Variants in BARD1 observed in about 807,000 individuals in gnomAD.
BARD1 encodes BRCA1 associated RING domain 1.
In BARD1, 73 loss-of-function variants were observed where a neutral mutation model predicts 77.0. The observed-to-expected ratio is 0.95, with a 90% CI of 0.79 to 1.15. BARD1 has a LOEUF of 1.15. Ranked by LOEUF, BARD1 falls within the 50% of genes most tolerant of loss-of-function variation. The probability of loss-of-function intolerance (pLI) is 0.00; values close to 1 mark genes in which losing one functional copy is unlikely to be tolerated. For missense variants in BARD1, 993 were observed against 938.8 expected, an observed-to-expected ratio of 1.06 and a Z score of -0.75; for synonymous variants, 384 against 338.0, an observed-to-expected ratio of 1.14 and a Z score of -1.49.
chr2:214,769,090 G>A (rs1694350370), intron 5 of BARD1, 142 bp downstream of exon 5: 1 of 717,236 alleles, frequency 1.4e-6, no homozygotes, highest in African/African-American at 1.8e-5. Context: ...AAGTAATCAT[G>A]TTCTCATACT....
chr2:214,803,880 G>T (rs1696145835), intron 1 of BARD1, among the ~76,000 whole-genome samples: 1 of 152,106 alleles, frequency 6.6e-6, no homozygotes, highest in Admixed American at 6.5e-5. Flanking sequence ...GATAACTTAG[G>T]GAAGAATTAA....
chr2:214,746,708 A>G (rs1287234353), intron 7 of BARD1, among the ~76,000 whole-genome samples: 1 of 152,154 alleles, frequency 6.6e-6, no homozygotes, highest in East Asian at 1.9e-4. Context: ...TCTAACCTAA[A>G]CGCTATAAAC....
In BARD1 at chr2:214,760,950, A is replaced by C. The variant is rs983928890; in HGVS notation, c.1568+6532T>G. Reference sequence around the variant, plus strand: ...CCACCACGCCCAGCTAATTTTTTGTATTTTTAGTAGAGACGGGGTTTCACC... The same window carrying C: ...CCACCACGCCCAGCTAATTTTTTGTCTTTTTAGTAGAGACGGGGTTTCACC... On this transcript the variant is annotated intron_variant, in intron 6 of 10. Transcript: ENST00000260947. Among the ~76,000 whole-genome samples the C allele has an allele frequency of 2.0e-5, 3 of 150,918 alleles. No homozygotes were observed. The East Asian group carries it at 5.9e-4, about 30-fold the overall frequency.
chr2:214,794,937 C>T (rs1475803235), intron 2 of BARD1, among the ~76,000 whole-genome samples: 1 of 152,172 alleles, frequency 6.6e-6, no homozygotes, highest in Non-Finnish European at 1.5e-5. Context: ...TCTCGTGTCT[C>T]AAACCTTTGA....
Position 214,781,288 on chromosome 2 carries a change from T to C in BARD1, c.586A>G (p.Lys196Glu), listed in dbSNP as rs376259263. 2.1e-5 allele frequency: 34 copies of C among 1,605,822 alleles called. No individual in the cohort carries two copies. Among genetic ancestry groups the C allele is most frequent in the Non-Finnish European group, 2.7e-5 (32 of 1,178,062 alleles). Residue 196 changes from lysine (K) to glutamate (E), a missense_variant, in exon 4 of 11, where the codon AAA (lysine) becomes GAA (glutamate). Lys to Glu is a moderately conservative substitution (Grantham distance 56). Transcript: ENST00000260947. Reference protein sequence around the residue: ...SPPADVSERAKKASARSGKKQ... With the variant: ...SPPADVSERAEKASARSGKKQ... ...TTTCCAGATCTTGCAGAAGCCTTTT[T>C]AGCCCTCTCAGAAACATCTGCAGGA...
At chr2:214,793,822 G>A (rs926351476) in intron 2 of BARD1, among the ~76,000 whole-genome samples, 7 of 152,040 alleles carry the variant, frequency 4.6e-5, no homozygotes, top group South Asian at 4.2e-4. Flanking sequence ...CAAATGACCC[G>A]TGTGTGATGT....
At chr2:214,752,046 C>A (rs1693478736) in intron 7 of BARD1, among the ~76,000 whole-genome samples, 1 of 152,186 alleles carries the variant, frequency 6.6e-6, no homozygotes, top group Non-Finnish European at 1.5e-5. Context: ...AATGGCCTTG[C>A]AGAAGCCCAC....
At chr2:214,743,676 C>T (rs537718249) in intron 9 of BARD1, among the ~76,000 whole-genome samples, 3 of 146,332 alleles carry the variant, frequency 2.1e-5, no homozygotes, top group East Asian at 2.0e-4. Flanking sequence ...CTCCACCTCC[C>T]GGGGTCAAGT....
intron 1 of BARD1, among the ~76,000 whole-genome samples, chr2:214,797,686 ATG>A (rs1246703231): frequency 1.3e-5 from 2 of 152,094 alleles, no homozygotes; most frequent in African/African-American, 2.4e-5. Flanking sequence ...TAAAAAAAAC[ATG>A]TGTTTCTTAC....
chr2:214,757,704 A>C (rs1157921291), intron 6 of BARD1, among the ~76,000 whole-genome samples: 1 of 152,200 alleles, frequency 6.6e-6, no homozygotes, highest in Non-Finnish European at 1.5e-5. Flanking sequence ...AATACTTTGA[A>C]AAAAATGTAC....
In BARD1 at chr2:214,726,835, G is replaced by A. The variant is rs921658440; in HGVS notation, c.*1841C>T. The A allele has an allele frequency of 1.7e-5, 4 of 228,718 alleles. No individual in the cohort carries two copies. Among genetic ancestry groups the A allele is most frequent in the Admixed American group, 5.7e-5 (1 of 17,632 alleles). 14.2% of individuals were successfully genotyped at this position (228,718 alleles called of 1,614,324 possible). A position where few individuals can be genotyped will look rare whatever the true frequency, so the allele number is the denominator to read the frequency against. On this transcript the variant is annotated 3_prime_UTR_variant, in exon 11 of 11. Transcript: ENST00000260947. ...AACAGTCAGGGAAAAACAACAAAAA[G>A]AAGGGAGGGGTGATAAACCAAGAAA...
At position 214,727,756 on chromosome 2, in the gene BARD1, T is replaced by A. The variant is rs1250243960; in HGVS notation, c.*920A>T. ...CAACCTAAAAACTTTAAAAAAAACC[T>A]TTTCCTTTTACAAAGGAAGAAATTA... On this transcript the variant is annotated 3_prime_UTR_variant, in exon 11 of 11. Coordinates refer to ENST00000260947, the MANE Select transcript of BARD1 (RefSeq NM_000465.4). 4.4e-6 allele frequency: 1 copy of A among 226,876 alleles called. No homozygotes were observed. Among genetic ancestry groups the A allele is most frequent in the Non-Finnish European group, 8.8e-6 (1 of 114,114 alleles). The allele number at this position is 226,876 out of a possible 1,614,324, so 14.1% of individuals were successfully genotyped here. A position where few individuals can be genotyped will look rare whatever the true frequency, so the allele number is the denominator to read the frequency against.
chr2:214,765,492 C>A (rs971959967), intron 6 of BARD1, among the ~76,000 whole-genome samples: 1 of 152,136 alleles, frequency 6.6e-6, no homozygotes, highest in Non-Finnish European at 1.5e-5. Flanking sequence ...CAGAAATTAA[C>A]CTGCCTGAAG....
chr2:214,769,563 G>A (rs1694379765), intron 4 of BARD1, among the ~76,000 whole-genome samples: 2 of 152,216 alleles, frequency 1.3e-5, no homozygotes, highest in African/African-American at 4.8e-5. Context: ...TCAACATGGT[G>A]AAACCCCGTC....
intron 4 of BARD1, among the ~76,000 whole-genome samples, chr2:214,772,131 A>G (rs965556220): frequency 1.2e-4 from 18 of 145,252 alleles, no homozygotes; most frequent in Non-Finnish European, 3.0e-5. Context: ...ATGCCCAGCT[A>G]ATTTTTTTTA....
chr2:214,800,513 C>T (rs933576110), intron 1 of BARD1, among the ~76,000 whole-genome samples: 1 of 152,056 alleles, frequency 6.6e-6, no homozygotes. Context: ...ATAGCCACTG[C>T]GCTCCAGCCT....
At chr2:214,776,169 T>C (rs951471404) in intron 4 of BARD1, among the ~76,000 whole-genome samples, 1 of 152,168 alleles carries the variant, frequency 6.6e-6, no homozygotes, top group Non-Finnish European at 1.5e-5. Context: ...GTCATTGCTG[T>C]GGCATAAATT....
intron 9 of BARD1, chr2:214,730,794 C>A: frequency 2.1e-6 from 1 of 478,124 alleles, no homozygotes; most frequent in Non-Finnish European, 4.0e-6. Flanking sequence ...AAAACCTAAG[C>A]CAGGATACTA....
At chr2:214,741,326 T>G (rs919315456) in intron 9 of BARD1, among the ~76,000 whole-genome samples, 2 of 152,118 alleles carry the variant, frequency 1.3e-5, no homozygotes, top group Non-Finnish European at 2.9e-5. Context: ...CATAATGAGA[T>G]AAGAAAAGAA....
Sources: gnomAD v4.1 joint callset for allele counts (sites outside exome capture counted in the v4.1 genomes callset) on GRCh38, gnomAD v4.1.1 for gene constraint, MANE v1.5 for transcripts, NCBI Gene and HGNC (gene_info 2026-07-23, HGNC 2026-07-21) for gene names.